Variants in NTN1 observed in about 807,000 individuals in gnomAD.
The protein encoded by NTN1 is netrin 1.
NTN1 carries 11 observed loss-of-function variants against 54.2 expected under a neutral mutation model. That is an observed-to-expected ratio of 0.20 (90% confidence interval 0.13 to 0.34). The LOEUF is 0.34. NTN1 is among the 10% of genes least tolerant of loss of function. The pLI is 1.00. For missense variants in NTN1, 740 were observed against 893.1 expected (o/e 0.83, Z 2.18); for synonymous variants, 371 against 382.0 (o/e 0.97, Z 0.33).
intron 2 of NTN1, among the ~76,000 whole-genome samples, chr17:9,139,691 T>A (rs2092291783): frequency 6.6e-6 from 1 of 152,198 alleles, no homozygotes; most frequent in South Asian, 2.1e-4. Flanking sequence ...CATAACTATA[T>A]GCAGTGCAAT....
At chr17:9,045,389 T>G (rs1203829301) in intron 2 of NTN1, among the ~76,000 whole-genome samples, 2 of 152,182 alleles carry the variant, frequency 1.3e-5, no homozygotes, top group Non-Finnish European at 2.9e-5. Context: ...GGTTTGGCTG[T>G]GGGATATGCC....
At chr17:9,187,955 T>C (rs1028997360) in intron 5 of NTN1, among the ~76,000 whole-genome samples, 1 of 152,202 alleles carries the variant, frequency 6.6e-6, no homozygotes, top group Non-Finnish European at 1.5e-5. Context: ...ATCTGAAATG[T>C]CCGGCAAAAG....
intron 2 of NTN1, among the ~76,000 whole-genome samples, chr17:9,148,673 C>T (rs2142286787): frequency 6.6e-6 from 1 of 152,116 alleles, no homozygotes; most frequent in African/African-American, 2.4e-5. Context: ...TGGTGTTGTC[C>T]TGGAGTGGCC....
chr17:9,067,398 T>C (rs1359092721), intron 2 of NTN1, among the ~76,000 whole-genome samples: 2 of 152,180 alleles, frequency 1.3e-5, no homozygotes, highest in Non-Finnish European at 2.9e-5. Flanking sequence ...CCATAGAAGA[T>C]AATAAATGTT....
At chr17:9,231,414 C>T (rs913144771) in intron 6 of NTN1, among the ~76,000 whole-genome samples, 7 of 152,198 alleles carry the variant, frequency 4.6e-5, no homozygotes, top group Non-Finnish European at 7.4e-5. Context: ...CCTGCTGTGG[C>T]CCCCAGGTCT....
At chr17:9,012,039 C>T in the NTN1 span, among the ~76,000 whole-genome samples, 2 of 152,184 alleles carry the variant, frequency 1.3e-5, no homozygotes, top group South Asian at 4.1e-4. Context: ...AAGAATAGTT[C>T]CTTCCTCAGA....
intron 2 of NTN1, among the ~76,000 whole-genome samples, chr17:9,100,105 C>G (rs1315839273): frequency 1.3e-5 from 2 of 151,974 alleles, no homozygotes; most frequent in Admixed American, 1.3e-4. Flanking sequence ...TGAGCCACCA[C>G]CCCCAGCCTC....
intron 6 of NTN1, among the ~76,000 whole-genome samples, chr17:9,226,576 C>T (rs921391661): frequency 3.3e-5 from 5 of 151,892 alleles, no homozygotes; most frequent in Non-Finnish European, 7.4e-5. Context: ...GCCGCCCTCT[C>T]CTGGGGCACT....
chr17:9,208,124 C>G (rs1055697278), intron 5 of NTN1, among the ~76,000 whole-genome samples: 1 of 152,086 alleles, frequency 6.6e-6, no homozygotes, highest in Non-Finnish European at 1.5e-5. Context: ...CCCAGCTACT[C>G]GGGAGGCTGA....
chr17:9,180,582 T>C (rs1336217084), intron 4 of NTN1, among the ~76,000 whole-genome samples: 1 of 152,170 alleles, frequency 6.6e-6, no homozygotes, highest in Non-Finnish European at 1.5e-5. Context: ...TGGATCTGGG[T>C]GGGCCCATTC....
chr17:9,093,050 G>A (rs936861292), intron 2 of NTN1, among the ~76,000 whole-genome samples: 4 of 151,890 alleles, frequency 2.6e-5, no homozygotes, highest in Admixed American at 6.6e-5. Flanking sequence ...GAGCCACTGC[G>A]CCCAGCCAAT....
chr17:9,052,671 A>C (rs1241512899), intron 2 of NTN1, among the ~76,000 whole-genome samples: 1 of 152,250 alleles, frequency 6.6e-6, no homozygotes, highest in African/African-American at 2.4e-5. Flanking sequence ...CCAGCTATGC[A>C]GGAGCCTGAG....
At chr17:9,122,184 C>G (rs967650274) in intron 2 of NTN1, among the ~76,000 whole-genome samples, 1 of 152,098 alleles carries the variant, frequency 6.6e-6, no homozygotes, top group Admixed American at 6.5e-5. Flanking sequence ...ACTACAGGTG[C>G]CCGCCACCAC....
At chr17:9,141,833 G>A (rs755494064) in intron 2 of NTN1, among the ~76,000 whole-genome samples, 4 of 152,104 alleles carry the variant, frequency 2.6e-5, no homozygotes, top group Non-Finnish European at 4.4e-5. Context: ...AAGCTGAGGC[G>A]GGTGGATCAC....
intron 5 of NTN1, among the ~76,000 whole-genome samples, chr17:9,189,020 T>C (rs1904379269): frequency 6.6e-6 from 1 of 152,212 alleles, no homozygotes. Flanking sequence ...AGATTACTGT[T>C]ATCCCGAGAG....
At chr17:9,184,257 G>C (rs1353433286) in intron 5 of NTN1, among the ~76,000 whole-genome samples, 1 of 152,216 alleles carries the variant, frequency 6.6e-6, no homozygotes, top group Non-Finnish European at 1.5e-5. Flanking sequence ...GCCAAAGACA[G>C]TTGAGTCTTG....
intron 2 of NTN1, among the ~76,000 whole-genome samples, chr17:9,054,923 G>C (rs1294496579): frequency 6.6e-6 from 1 of 152,218 alleles, no homozygotes; most frequent in South Asian, 2.1e-4. Context: ...AGTTTCCTTA[G>C]GGGAGGGCTA....
At position 9,237,269 on chromosome 17, in the gene NTN1, C is replaced by T. The variant is rs937530917; in HGVS notation, c.1487-2371C>T. 3.3e-5 allele frequency among the ~76,000 whole-genome samples: 5 copies of T among 152,166 alleles called. No individual in the cohort carries two copies. In the East Asian group the frequency reaches 5.8e-4, roughly 18 times the overall value. On this transcript the variant is annotated intron_variant, in intron 6 of 6. Coordinates refer to ENST00000173229, the MANE Select transcript of NTN1 (RefSeq NM_004822.3). ...CCTGGCTTGTAGATGGCCACCTTCT[C>T]GTGTCCTTACAGGGTCTTCCCTCTG...
chr17:9,216,508 T>A (rs1905219624), intron 5 of NTN1, among the ~76,000 whole-genome samples: 1 of 152,196 alleles, frequency 6.6e-6, no homozygotes, highest in Non-Finnish European at 1.5e-5. Flanking sequence ...TGGTCCCCTA[T>A]GCCTAAAGTA....
Sources: gnomAD v4.1 joint callset for allele counts (sites outside exome capture counted in the v4.1 genomes callset) on GRCh38, gnomAD v4.1.1 for gene constraint, MANE v1.5 for transcripts, NCBI Gene and HGNC (gene_info 2026-07-23, HGNC 2026-07-21) for gene names.